The following EPHB1 variants were observed in gnomAD, a reference collection of about 807,000 sequenced individuals.
EPHB1 encodes EPH receptor B1.
A neutral mutation model predicts 94.4 loss-of-function variants in EPHB1; 30 were observed. That is an observed-to-expected ratio of 0.32 (90% CI 0.24 to 0.43). The LOEUF (loss-of-function observed/expected upper bound fraction) is 0.43. Among genes scored for constraint, EPHB1 ranks in the 20% least tolerant of loss-of-function variants. The pLI, the probability that EPHB1 is intolerant of heterozygous loss-of-function variation, is 1.00. For synonymous variants in EPHB1, 522 were observed against 489.1 expected, an observed-to-expected ratio of 1.07 and a Z score of -0.89; for missense variants, 1,055 against 1,308.3, an observed-to-expected ratio of 0.81 and a Z score of 2.99.
chr3:134,958,809 T>G (rs562243033), intron 3 of EPHB1, among the ~76,000 whole-genome samples: 1 of 152,220 alleles, frequency 6.6e-6, no homozygotes, highest in South Asian at 2.1e-4. Context: ...GCTGGAAGGA[T>G]GCCCCTCTGC....
chr3:135,009,755 A>T (rs574607190), intron 3 of EPHB1, among the ~76,000 whole-genome samples: 2 of 152,346 alleles, frequency 1.3e-5, no homozygotes, highest in South Asian at 4.1e-4. Flanking sequence ...CCTAGTTTTA[A>T]TTACCTTTTA....
At chr3:135,150,910 A>G (rs986846712) in intron 5 of EPHB1, among the ~76,000 whole-genome samples, 2 of 152,230 alleles carry the variant, frequency 1.3e-5, no homozygotes, top group Admixed American at 6.5e-5. Context: ...CTCCTCTCAA[A>G]CTGCTTCTAG....
intron 3 of EPHB1, among the ~76,000 whole-genome samples, chr3:135,084,982 G>C (rs2107788658): frequency 6.6e-6 from 1 of 152,288 alleles, no homozygotes; most frequent in Non-Finnish European, 1.5e-5. Flanking sequence ...CTGTGGCTCA[G>C]AGAGGCTACA....
chr3:134,931,463 T>C (rs2038900793), intron 2 of EPHB1, among the ~76,000 whole-genome samples: 1 of 152,258 alleles, frequency 6.6e-6, no homozygotes, highest in African/African-American at 2.4e-5. Context: ...GTGTGGCTTA[T>C]GTGTAAACAT....
chr3:134,860,623 G>C (rs774831701), intron 1 of EPHB1, among the ~76,000 whole-genome samples: 1 of 152,066 alleles, frequency 6.6e-6, no homozygotes, highest in Non-Finnish European at 1.5e-5. Context: ...GACCATCCTG[G>C]CTAACACGGT....
chr3:135,228,240 A>G (rs1018513634), intron 12 of EPHB1, among the ~76,000 whole-genome samples: 5 of 152,120 alleles, frequency 3.3e-5, no homozygotes, highest in Non-Finnish European at 7.4e-5. Context: ...TAAATTTTTA[A>G]AGGATACCTT....
At chr3:135,183,475 TTGTTTC>T (rs1942246019) in intron 10 of EPHB1, among the ~76,000 whole-genome samples, 1 of 152,182 alleles carries the variant, frequency 6.6e-6, no homozygotes, top group Non-Finnish European at 1.5e-5. Flanking sequence ...TCATTAAACA[TTGTTTC>T]TGTGCATGTG....
intron 3 of EPHB1, among the ~76,000 whole-genome samples, chr3:135,057,466 G>A (rs576222524): frequency 2.6e-5 from 4 of 152,126 alleles, no homozygotes; most frequent in Middle Eastern, 3.4e-3. Context: ...CCAGTGGAAG[G>A]GCCAGGGTCT....
chr3:134,797,010 A>C (rs567855619), intron 1 of EPHB1, among the ~76,000 whole-genome samples: 60 of 152,336 alleles, frequency 3.9e-4, no homozygotes, highest in Non-Finnish European at 7.2e-4. Context: ...CTGGAGGGGC[A>C]TTCCGGGCCC....
intron 3 of EPHB1, among the ~76,000 whole-genome samples, chr3:135,074,496 C>G (rs1937840975): frequency 6.6e-6 from 1 of 152,166 alleles, no homozygotes; most frequent in African/African-American, 2.4e-5. Flanking sequence ...TACCCTAGGA[C>G]TTTTACTGAA....
intron 15 of EPHB1, among the ~76,000 whole-genome samples, chr3:135,255,460 A>T (rs374576064): frequency 1.9e-4 from 27 of 142,470 alleles, no homozygotes; most frequent in Non-Finnish European, 3.2e-4. Context: ...ATTTCTGCCT[A>T]CATTTCGTTA....
intron 1 of EPHB1, among the ~76,000 whole-genome samples, chr3:134,816,052 T>TGCTTCTG (rs2036262057): frequency 1.5e-3 from 1 of 680 alleles, no homozygotes; most frequent in African/African-American, 3.5e-3. Flanking sequence ...GCCTCTGAGG[T>TGCTTCTG]ACTTTTTTTC....
At chr3:134,980,923 G>C (rs1576291926) in intron 3 of EPHB1, among the ~76,000 whole-genome samples, 1 of 152,276 alleles carries the variant, frequency 6.6e-6, no homozygotes, top group East Asian at 1.9e-4. Flanking sequence ...CTTTGTGAGT[G>C]AGGAGAAGCC....
At chr3:134,847,837 T>C (rs137911965) in intron 1 of EPHB1, among the ~76,000 whole-genome samples, 200 of 152,336 alleles carry the variant, frequency 1.3e-3, no homozygotes, top group African/African-American at 4.5e-3. Context: ...AATTTTCCCA[T>C]TGTGGCTGAA....
intron 3 of EPHB1, among the ~76,000 whole-genome samples, chr3:134,962,886 C>T (rs1196546919): frequency 2.6e-5 from 4 of 152,102 alleles, no homozygotes; most frequent in Non-Finnish European, 5.9e-5. Flanking sequence ...CTTCCCTGAC[C>T]AGGTGTCTAC....
intron 3 of EPHB1, among the ~76,000 whole-genome samples, chr3:134,952,352 TTCTCTCTCTC>T (rs752162465): frequency 6.7e-6 from 1 of 148,560 alleles, no homozygotes; most frequent in Non-Finnish European, 1.5e-5. Context: ...TCTCTCTCTC[TTCTCTCTCTC>T]TCTCTCTCTC....
chr3:135,036,200 G>A (rs1371139767), intron 3 of EPHB1, among the ~76,000 whole-genome samples: 1 of 152,194 alleles, frequency 6.6e-6, no homozygotes, highest in Admixed American at 6.5e-5. Flanking sequence ...AGGTAGCACA[G>A]CAAGGCCGTT....
chr3:134,799,297 ATTTG>A (rs1341095449), intron 1 of EPHB1, among the ~76,000 whole-genome samples: 42 of 152,230 alleles, frequency 2.8e-4, no homozygotes, highest in African/African-American at 1.0e-3. Context: ...TTCTGTTAAT[ATTTG>A]TTTGCTGTGT....
chr3:134,908,759 A>G (rs1363014004), intron 1 of EPHB1, among the ~76,000 whole-genome samples: 1 of 151,738 alleles, frequency 6.6e-6, no homozygotes, highest in African/African-American at 2.4e-5. Context: ...GAGGAGGGGG[A>G]GGAGGAGGAA....
Sources: gnomAD v4.1 joint callset for allele counts (sites outside exome capture counted in the v4.1 genomes callset) on GRCh38, gnomAD v4.1.1 for gene constraint, MANE v1.5 for transcripts, NCBI Gene and HGNC (gene_info 2026-07-23, HGNC 2026-07-21) for gene names.